The following PDE4D variants were observed in gnomAD, a reference collection of about 807,000 sequenced individuals.
The protein encoded by PDE4D is phosphodiesterase 4D.
In PDE4D, 24 loss-of-function variants were observed where a neutral mutation model predicts 87.4. The ratio of observed to expected loss-of-function variants is 0.27; its 90% CI spans 0.20 to 0.39. PDE4D has a LOEUF of 0.39. PDE4D is among the 10% of genes least tolerant of loss of function. The pLI is 1.00. For missense variants in PDE4D, 714 were observed against 1,041.0 expected (o/e 0.69, Z 4.32); for synonymous variants, 384 against 383.2 (o/e 1.00, Z -0.02).
intron 1 of PDE4D, among the ~76,000 whole-genome samples, chr5:59,880,440 A>G (rs569348492): frequency 6.6e-6 from 1 of 152,286 alleles, no homozygotes; most frequent in East Asian, 1.9e-4. Context: ...AAAAAGATGT[A>G]GTGACAAAAA....
chr5:59,452,274 A>G lies in PDE4D; in HGVS notation c.456-236306T>C, dbSNP rs141051252. 4.6e-3 allele frequency among the ~76,000 whole-genome samples: 705 copies of G among 152,302 alleles called. 20 individuals carry two copies. Among genetic ancestry groups the G allele is most frequent in the Admixed American group, 0.04 (616 of 15,298 alleles). ...TAAACCTTCATTGACTACTTCTAAC[A>G]TAAGATCCGCCTCTGCCACTCCTAT... is the stretch of plus-strand genomic sequence containing the variant. On this transcript the variant is annotated intron_variant, in intron 1 of 14. Transcript: ENST00000340635.
intron 5 of PDE4D, among the ~76,000 whole-genome samples, chr5:59,096,133 G>A (rs1466494884): frequency 1.3e-5 from 2 of 152,168 alleles, no homozygotes; most frequent in South Asian, 2.1e-4. Flanking sequence ...TGAAAAGGAG[G>A]AGCTGGGGAA....
rs141826854 is a variant in PDE4D, at chr5:60,104,131, C to T, written c.42+81426G>A. Among the ~76,000 whole-genome samples the T allele has an allele frequency of 2.7e-3, 414 of 152,306 alleles. 1 individual carries two copies. The highest frequency in any genetic ancestry group is 8.2e-3 in the African/African-American group (341 of 41,566). ...TCAAAGAAAGGGGTGACAGACAATA[C>T]CTGGAAAATCAGGTCACTCCCACCC... On this transcript the variant is annotated intron_variant, in intron 2 of 16. Transcript: ENST00000502484.
intron 1 of PDE4D, among the ~76,000 whole-genome samples, chr5:59,646,132 T>C (rs1406375517): frequency 6.6e-6 from 1 of 152,234 alleles, no homozygotes; most frequent in Non-Finnish European, 1.5e-5. Context: ...AATTTTATAA[T>C]CTGGTGTGAT....
chr5:59,897,943 G>T (rs997422238), upstream of PDE4D, among the ~76,000 whole-genome samples: 6 of 151,988 alleles, frequency 3.9e-5, no homozygotes, highest in African/African-American at 1.5e-4. Flanking sequence ...ATATATGAAA[G>T]GCTTTTAAAT....
At chr5:59,969,436 G>A (rs1018456489) in intron 3 of PDE4D, among the ~76,000 whole-genome samples, 19 of 152,172 alleles carry the variant, frequency 1.2e-4, no homozygotes, top group Admixed American at 8.5e-4. Context: ...GAAAGAAGAT[G>A]CCTGGAGGGA....
chr5:60,324,004 C>T (rs994677907), intron 1 of PDE4D, among the ~76,000 whole-genome samples: 24 of 152,068 alleles, frequency 1.6e-4, no homozygotes, highest in Non-Finnish European at 3.5e-4. Flanking sequence ...CGGTGCTTGT[C>T]AGCTCCAATT....
intron 1 of PDE4D, among the ~76,000 whole-genome samples, chr5:60,270,719 AT>A (rs112971462): frequency 0.44 from 67,072 of 151,876 alleles, 16,038 homozygotes; most frequent in African/African-American, 0.6. Context: ...AGTAGGAATG[AT>A]AAAGTAGAGA....
At chr5:60,382,911 G>C (rs916139310) in intron 1 of PDE4D, among the ~76,000 whole-genome samples, 1 of 152,032 alleles carries the variant, frequency 6.6e-6, no homozygotes, top group Admixed American at 6.6e-5. Flanking sequence ...ATCATCTTAG[G>C]GTCAAGTTGT....
Position 59,215,195 on chromosome 5 carries a change from A to G in PDE4D, c.647+582T>C, listed in dbSNP as rs1000070774. ...TTTTCATTGTTTTTCAAGCTGTACTATATCTTAAATGATATTCAAGTCTGT... is the reference window on the plus strand; with the variant it reads ...TTTTCATTGTTTTTCAAGCTGTACTGTATCTTAAATGATATTCAAGTCTGT... On this transcript the variant is annotated intron_variant, in intron 2 of 14. Transcript: ENST00000340635. Among the ~76,000 whole-genome samples the G allele has an allele frequency of 6.6e-5, 10 of 152,300 alleles. No homozygotes were observed. In the East Asian group the frequency reaches 1.9e-3, roughly 29 times the overall value.
intron 1 of PDE4D, among the ~76,000 whole-genome samples, chr5:59,773,713 T>C (rs1265287860): frequency 1.3e-5 from 2 of 152,208 alleles, no homozygotes; most frequent in Non-Finnish European, 2.9e-5. Context: ...TTCATCATGA[T>C]TATTTTTCAT....
chr5:59,531,964 ATTTG>A (rs1814311415), intron 1 of PDE4D, among the ~76,000 whole-genome samples: 1 of 152,152 alleles, frequency 6.6e-6, no homozygotes, highest in Non-Finnish European at 1.5e-5. Context: ...ACAGATTTTT[ATTTG>A]TTTGATTCAC....
At chr5:60,477,115 A>T (rs1336312403) in intron 1 of PDE4D, among the ~76,000 whole-genome samples, 1 of 152,176 alleles carries the variant, frequency 6.6e-6, no homozygotes, top group Admixed American at 6.5e-5. Flanking sequence ...GAAGAAATGC[A>T]AACCTGGAGT....
chr5:60,015,397 C>A (rs1765407576), intron 2 of PDE4D, among the ~76,000 whole-genome samples: 1 of 152,174 alleles, frequency 6.6e-6, no homozygotes, highest in African/African-American at 2.4e-5. Context: ...AGACCTGTGA[C>A]TTTCTTTCAC....
At chr5:59,473,083 G>GAAAAAAAAAA (rs10573988) in intron 1 of PDE4D, among the ~76,000 whole-genome samples, 10 of 92,040 alleles carry the variant, frequency 1.1e-4, no homozygotes, top group Non-Finnish European at 1.2e-4. Context: ...GCTTTCTCAT[G>GAAAAAAAAAA]AAAAAAAAAA....
intron 2 of PDE4D, among the ~76,000 whole-genome samples, chr5:60,182,130 G>A (rs1400458124): frequency 2.0e-5 from 3 of 152,058 alleles, no homozygotes; most frequent in Non-Finnish European, 4.4e-5. Flanking sequence ...TGTTAAGAAA[G>A]AACAATATAA....
At chr5:59,936,301 T>C (rs1756572176) in intron 3 of PDE4D, among the ~76,000 whole-genome samples, 1 of 152,020 alleles carries the variant, frequency 6.6e-6, no homozygotes, top group African/African-American at 2.4e-5. Context: ...ACGTGGCACG[T>C]GTATACATAT....
intron 5 of PDE4D, among the ~76,000 whole-genome samples, chr5:59,130,855 A>G (rs527862388): frequency 6.6e-6 from 1 of 152,342 alleles, no homozygotes; most frequent in African/African-American, 2.4e-5. Context: ...GCCTCATTCA[A>G]GTGAATGGAA....
chr5:59,647,656 G>T (rs76260478), intron 1 of PDE4D, among the ~76,000 whole-genome samples: 1 of 152,040 alleles, frequency 6.6e-6, no homozygotes, highest in Non-Finnish European at 1.5e-5. Context: ...GGTTTACAGA[G>T]AACAAAGTTT....
Sources: gnomAD v4.1 joint callset for allele counts (sites outside exome capture counted in the v4.1 genomes callset) on GRCh38, gnomAD v4.1.1 for gene constraint, MANE v1.5 for transcripts, NCBI Gene and HGNC (gene_info 2026-07-23, HGNC 2026-07-21) for gene names.